The following GRAP2 variants were observed in gnomAD, a reference collection of about 807,000 sequenced individuals.
GRAP2 encodes GRB2-related adapter protein 2.
In GRAP2, 31 loss-of-function variants were observed where a neutral mutation model predicts 43.5. That is an observed-to-expected ratio of 0.71 (90% CI 0.54 to 0.96). The LOEUF (loss-of-function observed/expected upper bound fraction) is 0.96, where lower values mean the gene tolerates loss of function less well. Among genes scored for constraint, GRAP2 ranks in the 40% least tolerant of loss-of-function variants. The pLI is 0.00. For synonymous variants in GRAP2, 156 were observed against 164.8 expected, an observed-to-expected ratio of 0.95 and a Z score of 0.41; for missense variants, 371 against 424.4, an observed-to-expected ratio of 0.87 and a Z score of 1.11.
At position 39,971,333 on chromosome 22, in the gene GRAP2, G is replaced by A. The variant is rs1311279814; in HGVS notation, c.*249G>A. On this transcript the variant is annotated 3_prime_UTR_variant, in exon 8 of 8. Transcript: ENST00000344138. The stretch of plus-strand genomic sequence containing the variant: ...CCTCAGGGGTGTGTGGAAGGCAGTG[G>A]GGGAGTTGGGAGGGGGGCAGGGAAA... 2.1e-6 allele frequency: 1 copy of A among 478,690 alleles called. No individual in the cohort carries two copies. Among genetic ancestry groups the A allele is most frequent in the Non-Finnish European group, 3.6e-6 (1 of 275,678 alleles). 29.7% of individuals were successfully genotyped at this position (478,690 alleles called of 1,614,324 possible).
At chr22:39,912,158 C>T (rs757951860) in intron 1 of GRAP2, among the ~76,000 whole-genome samples, 69 of 152,200 alleles carry the variant, frequency 4.5e-4, no homozygotes, top group Admixed American at 1.1e-3. Context: ...TGGTGGCTCA[C>T]GCCTGTAATC....
At chr22:39,899,928 G>A (rs1043580404), upstream of GRAP2, among the ~76,000 whole-genome samples, 2 of 152,116 alleles carry the variant, frequency 1.3e-5, no homozygotes, top group African/African-American at 4.8e-5. Flanking sequence ...GGAGGTTGCA[G>A]TGAGCCAAGA....
chr22:39,954,362 A>G (rs2067022286), intron 2 of GRAP2, among the ~76,000 whole-genome samples: 1 of 152,080 alleles, frequency 6.6e-6, no homozygotes, highest in Non-Finnish European at 1.5e-5. Context: ...TGCTATCCTT[A>G]TTTAGAATTA....
chr22:39,968,045 C>T lies in GRAP2; in HGVS notation c.463C>T (p.His155Tyr). The change falls in exon 6 of 8, where the codon CAC becomes TAC. Residue 155 changes from histidine (H) to tyrosine (Y), a missense_variant. Physicochemically the swap from His to Tyr is moderately conservative, Grantham distance 83 (BLOSUM62 2). Coordinates refer to ENST00000344138, the MANE Select transcript of GRAP2 (RefSeq NM_004810.4). Reference protein sequence around the residue: ...LRDRTREDQGHRGNSLDRRSQ... With the variant: ...LRDRTREDQGYRGNSLDRRSQ... ...GCATCTCTGTTCTTTCTCCCAGGGTCACCGGGGCAACAGCCTGGACCGGAG... is the reference window on the plus strand; with the variant it reads ...GCATCTCTGTTCTTTCTCCCAGGGTTACCGGGGCAACAGCCTGGACCGGAG... 6.2e-7 allele frequency: 1 copy of T among 1,612,308 alleles called. No individual in the cohort carries two copies. Among genetic ancestry groups the T allele is most frequent in the Non-Finnish European group, 8.5e-7 (1 of 1,178,914 alleles).
chr22:39,913,357 A>G (rs2066580904), intron 1 of GRAP2, among the ~76,000 whole-genome samples: 1 of 152,184 alleles, frequency 6.6e-6, no homozygotes, highest in African/African-American at 2.4e-5. Flanking sequence ...AGACATGGAA[A>G]ACAAGAAAGG....
the GRAP2 span, among the ~76,000 whole-genome samples, chr22:39,895,207 T>C: frequency 2.0e-5 from 3 of 152,292 alleles, no homozygotes; most frequent in East Asian, 5.8e-4. Context: ...TTTAATGGAA[T>C]ATTGACTAGG....
intron 6 of GRAP2, 106 bp downstream of exon 6, chr22:39,968,378 C>G: frequency 1.5e-6 from 2 of 1,307,832 alleles, no homozygotes; most frequent in Non-Finnish European, 2.1e-6. Context: ...ATGATGAAGA[C>G]CCTGGACCCC....
Position 39,971,176 on chromosome 22 carries a change from C to CAT in GRAP2, c.*93_*94dup. ...TGGACTCCATGACTATATATACATA[C>CAT]ATCTATCTACATCTGCCTGTGTACA... On this transcript the variant is annotated 3_prime_UTR_variant, in exon 8 of 8. Transcript: ENST00000344138. 2.3e-6 allele frequency: 2 copies of CAT among 868,458 alleles called. No homozygotes were observed. 53.8% of individuals were successfully genotyped at this position (868,458 alleles called of 1,614,324 possible).
At chr22:39,936,265 G>A (rs576062867) in intron 1 of GRAP2, among the ~76,000 whole-genome samples, 3 of 152,040 alleles carry the variant, frequency 2.0e-5, no homozygotes, top group South Asian at 2.1e-4. Context: ...GGTGGGGGGC[G>A]GTATTTTTAA....
chr22:39,973,448 G>A lies in GRAP2; in HGVS notation c.*2364G>A, dbSNP rs1382955050. The A allele has an allele frequency of 6.6e-6, 1 of 152,236 alleles. No homozygotes were observed. The highest frequency in any genetic ancestry group is 2.4e-5 in the African/African-American group (1 of 41,454). The allele number at this position is 152,236 out of a possible 1,614,324, so 9.4% of individuals were successfully genotyped here. ...CTGCAGGAGCTGACCCCGTAGGCAG[G>A]CGGTATGAGCAGAGCTTTCAGAACC... On this transcript the variant is annotated 3_prime_UTR_variant, in exon 8 of 8. Transcript: ENST00000344138.
At chr22:39,907,294 A>T (rs549050710) in intron 1 of GRAP2, among the ~76,000 whole-genome samples, 1 of 152,050 alleles carries the variant, frequency 6.6e-6, no homozygotes, top group African/African-American at 2.4e-5. Flanking sequence ...CCCAATGGGG[A>T]AAAAAAACCA....
intron 2 of GRAP2, among the ~76,000 whole-genome samples, chr22:39,953,422 G>C (rs1156715095): frequency 6.6e-6 from 1 of 152,134 alleles, no homozygotes; most frequent in Non-Finnish European, 1.5e-5. Flanking sequence ...TAGCTTCCAA[G>C]ATTGGTCAAG....
chr22:39,927,391 T>G (rs1449682204), intron 1 of GRAP2, among the ~76,000 whole-genome samples: 4 of 152,194 alleles, frequency 2.6e-5, no homozygotes, highest in African/African-American at 9.6e-5. Flanking sequence ...TCCCTTGCAG[T>G]GGGCTAGTGA....
chr22:39,948,242 A>T (rs988980899), intron 2 of GRAP2: 1 of 152,212 alleles, frequency 6.6e-6, no homozygotes, highest in African/African-American at 2.4e-5. Context: ...AACTTTCAAG[A>T]TCTAGTAACA....
At chr22:39,902,386 T>C (rs2066498949) in intron 1 of GRAP2, among the ~76,000 whole-genome samples, 1 of 152,252 alleles carries the variant, frequency 6.6e-6, no homozygotes, top group Non-Finnish European at 1.5e-5. Context: ...TGTAAAACTT[T>C]ATAGAATAAT....
At chr22:39,957,900 C>T (rs992872974) in intron 3 of GRAP2, among the ~76,000 whole-genome samples, 7 of 151,936 alleles carry the variant, frequency 4.6e-5, no homozygotes, top group Non-Finnish European at 1.0e-4. Context: ...TATATCACTG[C>T]ACTCCAGCCT....
intron 3 of GRAP2, among the ~76,000 whole-genome samples, chr22:39,956,670 T>C (rs1373253810): frequency 6.6e-6 from 1 of 151,412 alleles, no homozygotes; most frequent in Non-Finnish European, 1.5e-5. Flanking sequence ...GGTTTCACCA[T>C]GATGGACAGG....
chr22:39,966,425 T>C (rs2067174887), intron 5 of GRAP2, among the ~76,000 whole-genome samples: 1 of 152,224 alleles, frequency 6.6e-6, no homozygotes, highest in South Asian at 2.1e-4. Flanking sequence ...GAGAAGATAA[T>C]GTATCCCACG....
intron 1 of GRAP2, among the ~76,000 whole-genome samples, chr22:39,920,773 A>G (rs752386066): frequency 6.6e-6 from 1 of 151,986 alleles, no homozygotes; most frequent in Admixed American, 6.6e-5. Flanking sequence ...GGCTCGATTC[A>G]TGTCAGGTCT....
Sources: gnomAD v4.1 joint callset for allele counts (sites outside exome capture counted in the v4.1 genomes callset) on GRCh38, gnomAD v4.1.1 for gene constraint, MANE v1.5 for transcripts, NCBI Gene and HGNC (gene_info 2026-07-23, HGNC 2026-07-21) for gene names.